RAMP1: variants seen among roughly 807,000 people sequenced by gnomAD.
RAMP1 encodes the protein receptor activity modifying protein 1.
A neutral mutation model predicts 8.2 loss-of-function variants in RAMP1; 7 were observed. That is an observed-to-expected ratio of 0.85 (90% CI 0.49 to 1.60). The LOEUF (loss-of-function observed/expected upper bound fraction) is 1.60, where lower values mean the gene tolerates loss of function less well. Among genes scored for constraint, RAMP1 ranks in the 40% most tolerant of loss-of-function variants. The pLI, the probability that RAMP1 is intolerant of heterozygous loss-of-function variation, is 0.00. For missense variants in RAMP1, 192 were observed against 202.4 expected, an observed-to-expected ratio of 0.95 and a Z score of 0.31; for synonymous variants, 92 against 84.7, an observed-to-expected ratio of 1.09 and a Z score of -0.47.
chr2:237,902,905 A>G (rs2062618203), intron 2 of RAMP1, among the ~76,000 whole-genome samples: 1 of 152,352 alleles, frequency 6.6e-6, no homozygotes, highest in African/African-American at 2.4e-5. Flanking sequence ...TGTTATTACC[A>G]TTCTGGTGGG....
intron 2 of RAMP1, among the ~76,000 whole-genome samples, chr2:237,899,649 G>A (rs892487442): frequency 4.1e-4 from 63 of 152,250 alleles, no homozygotes; most frequent in Non-Finnish European, 2.9e-5. Context: ...CTATTTATAG[G>A]TGGAAGCGAA....
intron 2 of RAMP1, among the ~76,000 whole-genome samples, chr2:237,884,636 C>T (rs889999004): frequency 2.6e-5 from 4 of 152,116 alleles, no homozygotes; most frequent in Non-Finnish European, 5.9e-5. Flanking sequence ...AAGGTGTCCT[C>T]GGGGAAGATG....
chr2:237,909,624 T>C (rs1040169284), intron 2 of RAMP1, among the ~76,000 whole-genome samples: 8 of 152,096 alleles, frequency 5.3e-5, no homozygotes, highest in African/African-American at 1.9e-4. Context: ...CCACGGCCAG[T>C]GATGTCTCAG....
Position 237,901,706 on chromosome 2 carries a change from C to T in RAMP1, c.192-9822C>T, listed in dbSNP as rs566415459. On this transcript the variant is annotated intron_variant, in intron 2 of 2. Transcript: ENST00000254661. The stretch of plus-strand genomic sequence containing the variant: ...GGGGTGGGAAGGTGTGGACGGTGGG[C>T]TTGGGCAGCGGCCAGGGTGTGGGAT... Among the ~76,000 whole-genome samples the T allele has an allele frequency of 1.4e-3, 216 of 152,210 alleles. 1 individual carries two copies. The highest frequency in any genetic ancestry group is 5.6e-3 in the Admixed American group (86 of 15,288).
chr2:237,881,785 GT>G (rs1481583217), intron 2 of RAMP1, among the ~76,000 whole-genome samples: 2 of 151,982 alleles, frequency 1.3e-5, no homozygotes, highest in African/African-American at 2.4e-5. Flanking sequence ...TGTTAGATGG[GT>G]TAGGCCTTTG....
intron 1 of RAMP1, among the ~76,000 whole-genome samples, chr2:237,876,024 C>T (rs964973075): frequency 6.6e-6 from 1 of 152,202 alleles, no homozygotes; most frequent in African/African-American, 2.4e-5. Context: ...AACCCTGAAG[C>T]CTCAGTTCCC....
intron 2 of RAMP1, among the ~76,000 whole-genome samples, chr2:237,883,991 A>C (rs889806142): frequency 1.5e-5 from 2 of 136,108 alleles, no homozygotes; most frequent in African/African-American, 5.8e-5. Flanking sequence ...GCTGCCCGGC[A>C]TGGATCTGCA....
intron 1 of RAMP1, among the ~76,000 whole-genome samples, chr2:237,866,118 C>T (rs1377581492): frequency 6.6e-6 from 1 of 152,128 alleles, no homozygotes; most frequent in African/African-American, 2.4e-5. Context: ...AGACCACCGG[C>T]TCGAGAAACA....
At chr2:237,872,577 T>C (rs2062257946) in intron 1 of RAMP1, among the ~76,000 whole-genome samples, 1 of 152,040 alleles carries the variant, frequency 6.6e-6, no homozygotes, top group South Asian at 2.1e-4. Flanking sequence ...CCACAAGAGG[T>C]CTCTGACCTC....
rs1012811899 is a variant in RAMP1 at position 237,862,039 on chromosome 2, G to A, written c.52+2312G>A. On this transcript the variant is annotated intron_variant, in intron 1 of 2. Coordinates refer to ENST00000254661, the MANE Select transcript of RAMP1 (RefSeq NM_005855.4). This position sits in a 1 kb window ranked among gnomAD's most constrained non-coding sequence, Gnocchi z 4.0. ...GGTTTTTCGAGTCCATCTTCACTCA[G>A]GGAATGCTGGCTGGTGCTGTCACAC... 3.3e-5 allele frequency among the ~76,000 whole-genome samples: 5 copies of A among 152,112 alleles called. No homozygotes were observed. Among genetic ancestry groups the A allele is most frequent in the African/African-American group, 1.2e-4 (5 of 41,410 alleles).
chr2:237,864,751 G>A (rs923170375), intron 1 of RAMP1, among the ~76,000 whole-genome samples: 2 of 152,256 alleles, frequency 1.3e-5, no homozygotes, highest in Admixed American at 6.5e-5. Context: ...CAGCCCTGCT[G>A]CATGTCAACC....
intron 1 of RAMP1, among the ~76,000 whole-genome samples, chr2:237,873,617 G>C (rs2062269044): frequency 6.6e-6 from 1 of 152,170 alleles, no homozygotes. Context: ...ACACGCCGAG[G>C]GCTGAGTGAG....
intron 2 of RAMP1, among the ~76,000 whole-genome samples, chr2:237,905,185 G>C (rs368152342): frequency 1.5e-4 from 23 of 152,324 alleles, no homozygotes; most frequent in African/African-American, 5.1e-4. Flanking sequence ...GTTAAAGCCA[G>C]GGTGTATTTT....
chr2:237,895,843 T>G (rs35144474), intron 2 of RAMP1, among the ~76,000 whole-genome samples: 38,007 of 152,074 alleles, frequency 0.25, 5,003 homozygotes, highest in South Asian at 0.33. Context: ...CAAATATAGC[T>G]TGCCGGCTGT....
intron 2 of RAMP1, among the ~76,000 whole-genome samples, chr2:237,892,751 C>CTA (rs1165641115): frequency 6.6e-6 from 1 of 151,650 alleles, no homozygotes; most frequent in Non-Finnish European, 1.5e-5. Context: ...CTCTCTCTCT[C>CTA]TCTCTCTTCT....
rs2062332733 is a variant in RAMP1, at chr2:237,878,493, C to G, written c.191+1131C>G. 6.6e-6 allele frequency among the ~76,000 whole-genome samples: 1 copy of G among 152,232 alleles called. No homozygotes were observed. The highest frequency in any genetic ancestry group is 2.4e-5 in the African/African-American group (1 of 41,460). Reference sequence around the variant, plus strand: ...GGCTGGCGTGAGCACAGGGAGAAAGCCCACGGCTGGGAGGCCCTGAGGCTG... The same window carrying G: ...GGCTGGCGTGAGCACAGGGAGAAAGGCCACGGCTGGGAGGCCCTGAGGCTG... On this transcript the variant is annotated intron_variant, in intron 2 of 2. Coordinates refer to ENST00000254661, the MANE Select transcript of RAMP1 (RefSeq NM_005855.4). This position sits in a 1 kb window ranked among gnomAD's most constrained non-coding sequence, Gnocchi z 5.7.
At chr2:237,901,626 C>T (rs2151020815) in intron 2 of RAMP1, among the ~76,000 whole-genome samples, 1 of 152,246 alleles carries the variant, frequency 6.6e-6, no homozygotes, top group African/African-American at 2.4e-5. Context: ...GTGACCCACA[C>T]AGAAGCTTCT....
Position 237,911,929 on chromosome 2 carries a change from A to C in RAMP1, c.*146A>C. ...CCAAGAAGAGCTCACAGGAGTCCAG[A>C]GTAGCCGAGGCTCTGGTATTAACCT... On this transcript the variant is annotated 3_prime_UTR_variant, in exon 3 of 3. Transcript: ENST00000254661. 7.6e-7 allele frequency: 1 copy of C among 1,308,352 alleles called. No homozygotes were observed. The highest frequency in any genetic ancestry group is 1.0e-6 in the Non-Finnish European group (1 of 983,462). The allele number at this position is 1,308,352 out of a possible 1,614,324, so 81.0% of individuals were successfully genotyped here.
chr2:237,864,018 T>A (rs2062158307), intron 1 of RAMP1, among the ~76,000 whole-genome samples: 1 of 145,676 alleles, frequency 6.9e-6, no homozygotes, highest in African/African-American at 2.5e-5. Context: ...CAGCAGACCC[T>A]CAGGGTACGT....
Sources: gnomAD v4.1 joint callset for allele counts (sites outside exome capture counted in the v4.1 genomes callset) on GRCh38, gnomAD v4.1.1 for gene constraint, Gnocchi (gnomAD v3.1) non-coding constraint, MANE v1.5 for transcripts, NCBI Gene and HGNC (gene_info 2026-07-23, HGNC 2026-07-21) for gene names.